The following ODAD2 variants were observed in gnomAD, a reference collection of about 807,000 sequenced individuals.
ODAD2 encodes the protein outer dynein arm-docking complex subunit 2.
A neutral mutation model predicts 106.8 loss-of-function variants in ODAD2; 89 were observed. The ratio of observed to expected loss-of-function variants is 0.83; its 90% confidence interval spans 0.70 to 0.99. ODAD2 has a LOEUF of 0.99. ODAD2 is among the 50% of genes least tolerant of loss of function. ODAD2 has a pLI of 0.00. For missense variants in ODAD2, 1,168 were observed against 1,238.5 expected, an observed-to-expected ratio of 0.94 and a Z score of 0.85; for synonymous variants, 404 against 436.2, an observed-to-expected ratio of 0.93 and a Z score of 0.92.
At chr10:27,962,389 GATATTGA>G (rs1848200363) in intron 9 of ODAD2, among the ~76,000 whole-genome samples, 1 of 152,200 alleles carries the variant, frequency 6.6e-6, no homozygotes, top group Non-Finnish European at 1.5e-5. Context: ...GGACAGCTCA[GATATTGA>G]CTATTTCTAT....
chr10:27,909,874 A>G (rs1843878500), intron 16 of ODAD2, among the ~76,000 whole-genome samples: 2 of 150,296 alleles, frequency 1.3e-5, no homozygotes, highest in South Asian at 4.2e-4. Context: ...ATAACTTCCT[A>G]TGACAAGAAC....
At chr10:27,878,634 T>C (rs1841504689) in intron 17 of ODAD2, among the ~76,000 whole-genome samples, 1 of 152,080 alleles carries the variant, frequency 6.6e-6, no homozygotes, top group Admixed American at 6.6e-5. Context: ...AAATAGCACA[T>C]CACATACAAA....
chr10:27,885,235 G>C, intron 17 of ODAD2, among the ~76,000 whole-genome samples: 1 of 151,138 alleles, frequency 6.6e-6, no homozygotes, highest in East Asian at 2.0e-4. Flanking sequence ...AAATAGGCCT[G>C]GCATGGTGGC....
chr10:27,978,343 T>C (rs1849323433), intron 7 of ODAD2, among the ~76,000 whole-genome samples: 1 of 152,224 alleles, frequency 6.6e-6, no homozygotes, highest in South Asian at 2.1e-4. Flanking sequence ...ACATAAGCCT[T>C]TGAAATGCTA....
intron 7 of ODAD2, among the ~76,000 whole-genome samples, chr10:27,972,677 G>A (rs1005329561): frequency 5.9e-5 from 9 of 152,126 alleles, no homozygotes; most frequent in South Asian, 2.1e-4. Flanking sequence ...TAACAGGGAC[G>A]AAGAGGAGCA....
chr10:27,996,409 A>G (rs915738845), intron 1 of ODAD2, among the ~76,000 whole-genome samples: 2 of 152,204 alleles, frequency 1.3e-5, no homozygotes, highest in African/African-American at 2.4e-5. Context: ...GCTGATAAAG[A>G]GTATAGAAAT....
At chr10:27,927,013 G>T (rs1335616911) in intron 16 of ODAD2, among the ~76,000 whole-genome samples, 1 of 152,098 alleles carries the variant, frequency 6.6e-6, no homozygotes, top group Non-Finnish European at 1.5e-5. Context: ...TCCCATTTTA[G>T]ATCTGGTGGT....
intron 19 of ODAD2, among the ~76,000 whole-genome samples, chr10:27,821,078 C>CCA (rs1413144337): frequency 6.6e-6 from 1 of 152,154 alleles, no homozygotes; most frequent in Non-Finnish European, 1.5e-5. Context: ...CCGTGCCCAG[C>CCA]CAGCATTCCA....
chr10:27,935,831 CAT>C (rs1027575125), intron 15 of ODAD2, among the ~76,000 whole-genome samples: 8 of 151,800 alleles, frequency 5.3e-5, no homozygotes, highest in African/African-American at 1.2e-4. Context: ...TATACACACA[CAT>C]ATGTATGCAT....
intron 17 of ODAD2, among the ~76,000 whole-genome samples, chr10:27,903,294 G>A (rs978996743): frequency 6.6e-6 from 1 of 152,114 alleles, no homozygotes; most frequent in Non-Finnish European, 1.5e-5. Flanking sequence ...TTGATGGAAT[G>A]TATCTCAAAA....
rs552471654 is a variant in ODAD2 at position 27,848,494 on chromosome 10, C to T, written c.3021+12131G>A. 5.9e-5 allele frequency among the ~76,000 whole-genome samples: 9 copies of T among 152,066 alleles called. No individual in the cohort carries two copies. In the South Asian group the frequency reaches 1.0e-3, roughly 18 times the overall value. ...TAGGCAATACCATTCAGGACATAGG[C>T]ATGGGCAAGGACTTCATGTCTAAAA... is the stretch of plus-strand genomic sequence containing the variant. On this transcript the variant is annotated intron_variant, in intron 19 of 19. Coordinates refer to ENST00000305242, the MANE Select transcript of ODAD2 (RefSeq NM_018076.5).
chr10:27,924,988 G>A (rs1419711016), intron 16 of ODAD2, among the ~76,000 whole-genome samples: 360 of 127,564 alleles, frequency 2.8e-3, no homozygotes, highest in Non-Finnish European at 3.0e-3. Flanking sequence ...TATTTAAAAT[G>A]AAAAAAAAAA....
At chr10:27,999,457 A>G (rs1345940292), upstream of ODAD2, among the ~76,000 whole-genome samples, 1 of 151,928 alleles carries the variant, frequency 6.6e-6, no homozygotes, top group African/African-American at 2.4e-5. Context: ...CCAAAAAAAC[A>G]AATATGGTAG....
chr10:27,863,169 T>C (rs1446834523), intron 17 of ODAD2, among the ~76,000 whole-genome samples: 1 of 152,234 alleles, frequency 6.6e-6, no homozygotes, highest in Non-Finnish European at 1.5e-5. Flanking sequence ...AACAGCATTA[T>C]AGCTCATGCA....
chr10:27,830,997 A>G (rs1837435076), intron 19 of ODAD2, among the ~76,000 whole-genome samples: 1 of 152,158 alleles, frequency 6.6e-6, no homozygotes, highest in Admixed American at 6.5e-5. Context: ...GATACTGCTG[A>G]TCAGCTGAGA....
chr10:27,939,935 CA>C lies in ODAD2; in HGVS notation c.2058del (p.Asn686LysfsTer47). 6.2e-7 allele frequency: 1 copy of C among 1,611,332 alleles called. No homozygotes were observed. Among genetic ancestry groups the C allele is most frequent in the Non-Finnish European group, 8.5e-7 (1 of 1,178,852 alleles). On this transcript the variant is annotated frameshift_variant, in exon 14 of 20. Coordinates refer to ENST00000305242, the MANE Select transcript of ODAD2 (RefSeq NM_018076.5). LOFTEE classifies it high-confidence loss of function. ...ATGGCGCAGTGCTCCTGCAGCTGCTCATTCTCACTATTTAGGTTCTTGACAA... is the reference window on the plus strand; with the variant it reads ...ATGGCGCAGTGCTCCTGCAGCTGCTCTTCTCACTATTTAGGTTCTTGACAA... ...ENLVKNLNSENEQLQEHCAMA... is the reference protein window; with the variant it reads ...ENLVKNLNSEXEQLQEHCAMA...
chr10:27,900,098 A>G (rs756164610), intron 17 of ODAD2, among the ~76,000 whole-genome samples: 8 of 152,166 alleles, frequency 5.3e-5, no homozygotes, highest in Admixed American at 3.3e-4. Flanking sequence ...CCCCTCTAGG[A>G]CAAAGCTTCC....
intron 16 of ODAD2, among the ~76,000 whole-genome samples, chr10:27,930,566 G>T (rs573410010): frequency 6.6e-6 from 1 of 151,086 alleles, no homozygotes; most frequent in South Asian, 2.1e-4. Context: ...GGCGGAGTTT[G>T]CAGTGAGCCG....
At chr10:27,869,691 T>C (rs1363767290) in intron 17 of ODAD2, among the ~76,000 whole-genome samples, 4 of 151,938 alleles carry the variant, frequency 2.6e-5, no homozygotes, top group African/African-American at 4.8e-5. Flanking sequence ...CATGCCACCA[T>C]GTCCGGCTAA....
Sources: allele counts gnomAD v4.1 joint callset (sites outside exome capture counted in the v4.1 genomes callset), GRCh38; gene constraint gnomAD v4.1.1; transcripts MANE v1.5; gene names NCBI Gene and HGNC (gene_info 2026-07-23, HGNC 2026-07-21).